The following EDRF1 variants were observed in gnomAD, a reference collection of about 807,000 sequenced individuals.
EDRF1 encodes the protein erythroid differentiation regulatory factor 1.
A neutral mutation model predicts 148.7 loss-of-function variants in EDRF1; 69 were observed. That is an observed-to-expected ratio of 0.46 (90% CI 0.38 to 0.57). The LOEUF (loss-of-function observed/expected upper bound fraction) is 0.57, where lower values mean the gene tolerates loss of function less well. Among genes scored for constraint, EDRF1 ranks in the 20% least tolerant of loss-of-function variants. The pLI is 0.00. For missense variants in EDRF1, 1,118 were observed against 1,478.7 expected, an observed-to-expected ratio of 0.76 and a Z score of 4.00; for synonymous variants, 515 against 532.8, an observed-to-expected ratio of 0.97 and a Z score of 0.46.
intron 11 of EDRF1, 128 bp downstream of exon 11, chr10:125,733,871 G>A (rs1488223293): frequency 6.7e-5 from 62 of 923,346 alleles, no homozygotes; most frequent in Non-Finnish European, 1.0e-4. Flanking sequence ...AAAAATACAC[G>A]TACACATTGT....
At chr10:125,737,831 C>T (rs754456097) in intron 13 of EDRF1, 87 bp from the exon 14 acceptor site, 1 of 1,310,212 alleles carries the variant, frequency 7.6e-7, no homozygotes, top group Non-Finnish European at 1.1e-6. Context: ...GTTGATAATG[C>T]TTACAGTAAT....
At chr10:125,725,878 A>G in intron 6 of EDRF1, 40 bp downstream of exon 6, 1 of 1,603,148 alleles carries the variant, frequency 6.2e-7, no homozygotes, top group Non-Finnish European at 8.5e-7. Flanking sequence ...TCACATAGGA[A>G]AACAAAGCCT....
intron 15 of EDRF1, among the ~76,000 whole-genome samples, chr10:125,740,023 T>C (rs1250721583): frequency 7.2e-5 from 11 of 152,172 alleles, no homozygotes; most frequent in Admixed American, 7.2e-4. Context: ...TAACATTGGC[T>C]GATGGGTAGT....
intron 24 of EDRF1, among the ~76,000 whole-genome samples, chr10:125,754,485 A>G (rs1849797686): frequency 6.6e-6 from 1 of 152,234 alleles, no homozygotes. Context: ...GAATGTTGTC[A>G]TTAATGGAGG....
Position 125,740,621 on chromosome 10 carries a change from C to T in EDRF1, c.2140C>T (p.Arg714Ter), listed in dbSNP as rs760498676. The change falls in exon 16 of 25, where the codon CGA becomes TGA. Residue 714 changes from arginine to a stop codon, truncating the protein, a stop_gained. Coordinates refer to ENST00000356792, the MANE Select transcript of EDRF1 (RefSeq NM_001202438.2). LOFTEE classifies it high-confidence loss of function. ...TCTTCAGAAATACGGAAGAGCATTA[C>T]GATACATTAAATTAGCTTTGCAAAG... is the stretch of plus-strand genomic sequence containing the variant. The part of the protein sequence containing the change: ...MSLQKYGRAL[R>*]YIKLALQSHD... 1.9e-6 allele frequency: 3 copies of T among 1,613,806 alleles called. No individual in the cohort carries two copies. The highest frequency in any genetic ancestry group is 2.2e-5 in the East Asian group (1 of 44,872).
chr10:125,725,282 G>A, intron 4 of EDRF1, 36 bp from the exon 5 acceptor site: 3 of 1,613,206 alleles, frequency 1.9e-6, no homozygotes, highest in African/African-American at 2.7e-5. Flanking sequence ...TCGACTATGT[G>A]TGTTGTATTA....
chr10:125,719,938 C>T (rs1313473536), intron 1 of EDRF1, 23 bp downstream of exon 1: 1 of 1,600,582 alleles, frequency 6.2e-7, no homozygotes. Flanking sequence ...CGGAGGGGGA[C>T]CTGCCAGGGA....
At chr10:125,729,984 C>CT (rs571075976) in intron 8 of EDRF1, among the ~76,000 whole-genome samples, 392 of 152,300 alleles carry the variant, frequency 2.6e-3, no homozygotes, top group Non-Finnish European at 4.4e-3. Flanking sequence ...GGTGTTCAGT[C>CT]TTTCTTCAAG....
In EDRF1 at chr10:125,729,434, C is replaced by T; in HGVS notation, c.971C>T (p.Pro324Leu). The T allele has an allele frequency of 6.2e-7, 1 of 1,613,924 alleles. No individual in the cohort carries two copies. Among genetic ancestry groups the T allele is most frequent in the Non-Finnish European group, 8.5e-7 (1 of 1,179,926 alleles). Residue 324 changes from proline to leucine, a missense_variant, in exon 8 of 25, where the codon CCC becomes CTC. Coordinates refer to ENST00000356792, the MANE Select transcript of EDRF1 (RefSeq NM_001202438.2). ...DIHMLVGSNM[P>L]IFGGGRYPAV... Reference sequence around the variant, plus strand: ...CATATGTTGGTCGGCTCCAACATGCCCATATTTGGAGGAGGCAGATACCCA... The same window carrying T: ...CATATGTTGGTCGGCTCCAACATGCTCATATTTGGAGGAGGCAGATACCCA...
chr10:125,738,243 T>C, intron 14 of EDRF1, 52 bp from the exon 15 acceptor site: 3 of 1,608,076 alleles, frequency 1.9e-6, no homozygotes, highest in Non-Finnish European at 2.6e-6. Context: ...ATATTTAGTT[T>C]TCAGTTGACC....
At chr10:125,732,279 C>G (rs558902219) in intron 9 of EDRF1, among the ~76,000 whole-genome samples, 2 of 151,914 alleles carry the variant, frequency 1.3e-5, no homozygotes, top group Non-Finnish European at 2.9e-5. Flanking sequence ...GTTAGCAAGG[C>G]GGAGGGGAAC....
chr10:125,756,736 A>AT (rs1849916715), intron 24 of EDRF1: 2 of 365,176 alleles, frequency 5.5e-6, no homozygotes, highest in Non-Finnish European at 1.0e-5. Context: ...CTTTTTTTGT[A>AT]TGTCTTTTAT....
In EDRF1 at chr10:125,742,527, C is replaced by T. The variant is rs1849082966; in HGVS notation, c.2372-531C>T. ...CCTTTCTTCCCCTCTCTCCGTCTTTCTCAAATAATCATGTTTTAATGTAGT... is the reference window on the plus strand; with the variant it reads ...CCTTTCTTCCCCTCTCTCCGTCTTTTTCAAATAATCATGTTTTAATGTAGT... On this transcript the variant is annotated intron_variant, in intron 17 of 24. Transcript: ENST00000356792. 12 of 985,392 alleles carry T rather than the reference C, an allele frequency of 1.2e-5. No homozygotes were observed. In the South Asian group the frequency reaches 5.6e-4, roughly 46 times the overall value. 61.0% of individuals were successfully genotyped at this position (985,392 alleles called of 1,614,324 possible). A position where few individuals can be genotyped will look rare whatever the true frequency, so the allele number is the denominator to read the frequency against.
At chr10:125,725,554 A>G in intron 5 of EDRF1, 112 bp downstream of exon 5, 2 of 1,566,340 alleles carry the variant, frequency 1.3e-6, no homozygotes, top group South Asian at 1.1e-5. Flanking sequence ...TACTGTTAAC[A>G]TTTGTTTCAT....
intron 13 of EDRF1, 52 bp from the exon 14 acceptor site, chr10:125,737,866 T>C: frequency 6.5e-7 from 1 of 1,540,694 alleles, no homozygotes; most frequent in East Asian, 2.2e-5. Context: ...AAACAATATG[T>C]TGACCTTAAT....
intron 15 of EDRF1, among the ~76,000 whole-genome samples, chr10:125,738,852 AG>A (rs2133712089): frequency 6.6e-6 from 1 of 152,338 alleles, no homozygotes; most frequent in South Asian, 2.1e-4. Flanking sequence ...GTTTCTTTAA[AG>A]GGTTGTTAAA....
At position 125,719,763 on chromosome 10, in the gene EDRF1, T is replaced by A. The variant is rs760086117; in HGVS notation, c.-45T>A. ...TGCTTTGGGCCTGCGTTGCTGCTGC[T>A]GCTCCTCCGCTCCCCCGTCGTATCG... On this transcript the variant is annotated 5_prime_UTR_variant, in exon 1 of 25. Coordinates refer to ENST00000356792, the MANE Select transcript of EDRF1 (RefSeq NM_001202438.2). 12 of 1,525,666 alleles carry A rather than the reference T, an allele frequency of 7.9e-6. No homozygotes were observed. The highest frequency in any genetic ancestry group is 9.9e-6 in the Non-Finnish European group (11 of 1,115,630). The allele number at this position is 1,525,666 out of a possible 1,614,324, so 94.5% of individuals were successfully genotyped here. A position where few individuals can be genotyped will look rare whatever the true frequency, so the allele number is the denominator to read the frequency against.
chr10:125,756,259 A>T (rs1281637004), intron 24 of EDRF1, among the ~76,000 whole-genome samples: 3 of 152,102 alleles, frequency 2.0e-5, no homozygotes, highest in Non-Finnish European at 4.4e-5. Flanking sequence ...CTATCTTTTG[A>T]TATTGCTTGC....
chr10:125,748,085 C>T (rs776335072), intron 21 of EDRF1, 73 bp downstream of exon 21: 81 of 1,552,306 alleles, frequency 5.2e-5, no homozygotes, highest in Non-Finnish European at 6.8e-5. Context: ...GTTTTTTTAA[C>T]ATGGTCATAT....
Sources: allele counts gnomAD v4.1 joint callset (sites outside exome capture counted in the v4.1 genomes callset), GRCh38; gene constraint gnomAD v4.1.1; transcripts MANE v1.5; gene names NCBI Gene and HGNC (gene_info 2026-07-23, HGNC 2026-07-21).